The following PPP6R2 variants were observed in gnomAD, a reference collection of about 807,000 sequenced individuals.
The protein encoded by PPP6R2 is serine/threonine-protein phosphatase 6 regulatory subunit 2.
A neutral mutation model predicts 100.2 loss-of-function variants in PPP6R2; 62 were observed. The observed-to-expected ratio is 0.62, with a 90% CI of 0.50 to 0.76. The LOEUF (loss-of-function observed/expected upper bound fraction) is 0.76, where lower values mean the gene tolerates loss of function less well. Ranked by LOEUF, PPP6R2 falls within the 30% of genes least tolerant of loss-of-function variation. The pLI, the probability that PPP6R2 is intolerant of heterozygous loss-of-function variation, is 0.00. For synonymous variants in PPP6R2, 525 were observed against 514.7 expected, an observed-to-expected ratio of 1.02 and a Z score of -0.27; for missense variants, 1,142 against 1,276.3, an observed-to-expected ratio of 0.89 and a Z score of 1.60.
intron 13 of PPP6R2, among the ~76,000 whole-genome samples, chr22:50,435,695 T>A (rs1202425070): frequency 2.6e-5 from 4 of 152,038 alleles, no homozygotes; most frequent in Non-Finnish European, 5.9e-5. Context: ...TGGGTTGGGC[T>A]CCATTAGCCC....
At chr22:50,383,439 T>TA (rs2053546769) in intron 2 of PPP6R2, among the ~76,000 whole-genome samples, 1 of 152,228 alleles carries the variant, frequency 6.6e-6, no homozygotes, top group Non-Finnish European at 1.5e-5. Context: ...TTTTCCCAAA[T>TA]ACAGAATTCT....
At chr22:50,341,689 T>C (rs1601856848), upstream of PPP6R2, among the ~76,000 whole-genome samples, 2 of 151,794 alleles carry the variant, frequency 1.3e-5, no homozygotes, top group Non-Finnish European at 2.9e-5. Context: ...GAATCCAGTG[T>C]GGGTGAGAGA....
intron 13 of PPP6R2, among the ~76,000 whole-genome samples, chr22:50,435,945 G>A (rs1360261483): frequency 2.6e-5 from 4 of 152,198 alleles, no homozygotes; most frequent in South Asian, 2.1e-4. Flanking sequence ...GGCAGGACAC[G>A]CGCCCAGGCC....
At chr22:50,436,299 G>GC in intron 13 of PPP6R2, 68 bp from the exon 14 acceptor site, 1 of 1,416,510 alleles carries the variant, frequency 7.1e-7, no homozygotes, top group Non-Finnish European at 9.7e-7. Flanking sequence ...ACCTGCCGGA[G>GC]CCCCCGGGTG....
chr22:50,386,871 A>G (rs931440862), intron 2 of PPP6R2, among the ~76,000 whole-genome samples: 1 of 152,022 alleles, frequency 6.6e-6, no homozygotes, highest in East Asian at 1.9e-4. Flanking sequence ...GCTGACCTCT[A>G]TTCTGTTGAA....
chr22:50,402,115 A>G (rs1338793770), intron 3 of PPP6R2, among the ~76,000 whole-genome samples: 1 of 151,730 alleles, frequency 6.6e-6, no homozygotes, highest in East Asian at 1.9e-4. Context: ...CTTGGTCAGC[A>G]CCACGCTTCT....
In PPP6R2 at chr22:50,372,132, CAA is replaced by C. The variant is rs1486811547; in HGVS notation, c.-34_-33del. 3.9e-5 allele frequency: 6 copies of C among 152,108 alleles called. No homozygotes were observed. Among genetic ancestry groups the C allele is most frequent in the East Asian group, 1.9e-4 (1 of 5,202 alleles). 9.4% of individuals were successfully genotyped at this position (152,108 alleles called of 1,614,324 possible). ...GTTTTGCCTGAATACATGATTTAAACAAGAGATTTCCACAGAAGGTAAGATAA... is the reference window on the plus strand; with the variant it reads ...GTTTTGCCTGAATACATGATTTAAACGAGATTTCCACAGAAGGTAAGATAA... On this transcript the variant is annotated 5_prime_UTR_variant, in exon 2 of 24. Coordinates refer to ENST00000612753, the MANE Select transcript of PPP6R2 (RefSeq NM_001242898.2).
chr22:50,386,193 A>G (rs936060833), intron 2 of PPP6R2, among the ~76,000 whole-genome samples: 7 of 150,814 alleles, frequency 4.6e-5, no homozygotes, highest in African/African-American at 1.7e-4. Flanking sequence ...CCCAGGCTGG[A>G]GTGCAGTGGT....
intron 14 of PPP6R2, among the ~76,000 whole-genome samples, chr22:50,436,735 G>T (rs2064370556): frequency 6.6e-6 from 1 of 152,248 alleles, no homozygotes; most frequent in African/African-American, 2.4e-5. Context: ...GCTGTAGCTT[G>T]TTGGCAGAGG....
chr22:50,338,228 T>G, the PPP6R2 span, among the ~76,000 whole-genome samples: 3 of 103,252 alleles, frequency 2.9e-5, no homozygotes, highest in East Asian at 2.4e-4. Context: ...GGTGTGTTGG[T>G]GTGTGTGTGT....
chr22:50,369,054 C>T (rs1389975950), intron 1 of PPP6R2, among the ~76,000 whole-genome samples: 1 of 152,050 alleles, frequency 6.6e-6, no homozygotes, highest in Non-Finnish European at 1.5e-5. Context: ...GCCTGACCAA[C>T]ATGGAGAAAC....
intron 16 of PPP6R2, 105 bp downstream of exon 16, chr22:50,437,708 C>A (rs752053259): frequency 7.2e-7 from 1 of 1,388,754 alleles, no homozygotes; most frequent in African/African-American, 1.4e-5. Context: ...CGTCTGATGT[C>A]CCCGGGAGAC....
rs1206542739 is a variant in PPP6R2 at position 50,346,445 on chromosome 22, C to G, written c.-148+2895C>G. 4.2e-5 allele frequency among the ~76,000 whole-genome samples: 4 copies of G among 95,684 alleles called. No homozygotes were observed. In the Admixed American group the frequency reaches 4.2e-4, roughly 10 times the overall value. The allele number at this position is 95,684 out of a possible 152,430, so 62.8% of individuals were successfully genotyped here. ...CAGTCAGTTCCCCTCCAGTAAGTGC[C>G]CCCCAAGTCAGTTTCCTCCCAAGTC... On this transcript the variant is annotated intron_variant, in intron 1 of 23. Coordinates refer to ENST00000612753, the MANE Select transcript of PPP6R2 (RefSeq NM_001242898.2).
At position 50,444,251 on chromosome 22, in the gene PPP6R2, T is replaced by G; in HGVS notation, c.*4T>G. The G allele has an allele frequency of 5.6e-6, 9 of 1,612,376 alleles. No homozygotes were observed. The highest frequency in any genetic ancestry group is 6.8e-6 in the Non-Finnish European group (8 of 1,179,740). On this transcript the variant is annotated 3_prime_UTR_variant, in exon 24 of 24. Coordinates refer to ENST00000612753, the MANE Select transcript of PPP6R2 (RefSeq NM_001242898.2). ...TGCCTTAAATGGCCCAGTGTGATGC[T>G]GCTGCCGCCCGGCCACGGCCCACCC...
intron 3 of PPP6R2, among the ~76,000 whole-genome samples, chr22:50,405,820 C>G (rs2058813084): frequency 2.7e-5 from 3 of 110,042 alleles, no homozygotes; most frequent in South Asian, 6.6e-4. Flanking sequence ...AGGCGAGAGG[C>G]CTGGCAGGTG....
chr22:50,386,772 C>T (rs2054336621), intron 2 of PPP6R2, among the ~76,000 whole-genome samples: 1 of 152,108 alleles, frequency 6.6e-6, no homozygotes, highest in African/African-American at 2.4e-5. Flanking sequence ...CTACTCGCAA[C>T]CCATTTACCC....
At chr22:50,354,242 T>C (rs1031337510) in intron 1 of PPP6R2, among the ~76,000 whole-genome samples, 6 of 151,888 alleles carry the variant, frequency 4.0e-5, no homozygotes, top group Middle Eastern at 3.4e-3. Flanking sequence ...AAGGTGGAGA[T>C]TGTAGTGAGC....
At chr22:50,397,295 G>A in intron 3 of PPP6R2, among the ~76,000 whole-genome samples, 1 of 152,160 alleles carries the variant, frequency 6.6e-6, no homozygotes, top group Non-Finnish European at 1.5e-5. Flanking sequence ...GATGCCCTGA[G>A]TAAACAATCC....
intron 1 of PPP6R2, among the ~76,000 whole-genome samples, chr22:50,352,300 T>G (rs115450639): frequency 0.019 from 2,870 of 152,302 alleles, 96 homozygotes; most frequent in African/African-American, 0.065. Context: ...TTAAACCTCA[T>G]GAAACAACCT....
Sources: allele counts gnomAD v4.1 joint callset (sites outside exome capture counted in the v4.1 genomes callset), GRCh38; gene constraint gnomAD v4.1.1; transcripts MANE v1.5; gene names NCBI Gene and HGNC (gene_info 2026-07-23, HGNC 2026-07-21).